The following PPIL2 variants were observed in gnomAD, a reference collection of about 807,000 sequenced individuals.
PPIL2 encodes peptidylprolyl isomerase like 2.
Under a neutral mutation model 75.2 loss-of-function variants are expected in PPIL2, and 50 were observed. That is an observed-to-expected ratio of 0.66 (90% CI 0.53 to 0.84). The LOEUF (loss-of-function observed/expected upper bound fraction) is 0.84. Among genes scored for constraint, PPIL2 ranks in the 40% least tolerant of loss-of-function variants. The pLI, the probability that PPIL2 is intolerant of heterozygous loss-of-function variation, is 0.00. For missense variants in PPIL2, 590 were observed against 685.0 expected, an observed-to-expected ratio of 0.86 and a Z score of 1.55; for synonymous variants, 245 against 258.8, an observed-to-expected ratio of 0.95 and a Z score of 0.51.
intron 1 of PPIL2, among the ~76,000 whole-genome samples, chr22:21,667,705 A>C (rs1346613221): frequency 6.6e-6 from 1 of 150,652 alleles, no homozygotes; most frequent in Non-Finnish European, 1.5e-5. Context: ...TGCTTTCCCC[A>C]GTCTTGTGTA....
Position 21,696,283 on chromosome 22 carries a change from G to C in PPIL2, c.*793G>C, listed in dbSNP as rs2067926633. The C allele has an allele frequency of 9.6e-7, 1 of 1,037,352 alleles. No homozygotes were observed. Among genetic ancestry groups the C allele is most frequent in the Admixed American group, 5.0e-5 (1 of 19,842 alleles). The allele number at this position is 1,037,352 out of a possible 1,614,324, so 64.3% of individuals were successfully genotyped here. ...ACCACCTGGGCTTCATCTCAAGCCT[G>C]CCTGGCGTCTCTGTGCCCCTGTGAG... is the stretch of plus-strand genomic sequence containing the variant. On this transcript the variant is annotated 3_prime_UTR_variant, in exon 20 of 20. Coordinates refer to ENST00000398831, the MANE Select transcript of PPIL2 (RefSeq NM_014337.4).
intron 10 of PPIL2, 79 bp downstream of exon 10, chr22:21,684,992 A>G: frequency 6.5e-7 from 1 of 1,549,156 alleles, no homozygotes; most frequent in South Asian, 1.2e-5. Context: ...TGGTCCTGGG[A>G]AAGGGGCTCA....
At chr22:21,686,419 G>T in intron 10 of PPIL2, 64 bp from the exon 11 acceptor site, 10 of 1,504,082 alleles carry the variant, frequency 6.6e-6, no homozygotes, top group South Asian at 1.1e-5. Context: ...CTAGGCAAGC[G>T]ACACGTCCCC....
At chr22:21,694,849 G>A in intron 18 of PPIL2, 32 bp downstream of exon 18, 1 of 1,590,720 alleles carries the variant, frequency 6.3e-7, no homozygotes, top group Middle Eastern at 1.7e-4. Context: ...ACCTAGGAGG[G>A]TCTGGGCTAG....
intron 9 of PPIL2, 72 bp from the exon 10 acceptor site, chr22:21,684,681 C>T: frequency 6.4e-7 from 1 of 1,564,614 alleles, no homozygotes; most frequent in Non-Finnish European, 8.7e-7. Context: ...TATTCTAGAT[C>T]TGTGTCCCCA....
At chr22:21,698,505 G>C (rs2068023941), downstream of PPIL2, 1 of 152,354 alleles carries the variant, frequency 6.6e-6, no homozygotes, top group African/African-American at 2.4e-5. Flanking sequence ...TCGCACCCGT[G>C]GCAGGCTGGG....
chr22:21,687,848 G>A, intron 13 of PPIL2, 116 bp downstream of exon 13: 1 of 1,133,150 alleles, frequency 8.8e-7, no homozygotes, highest in Non-Finnish European at 1.3e-6. Context: ...GCCAGGATGA[G>A]TCCAGTTGGT....
At chr22:21,672,967 C>T (rs1329474023) in intron 5 of PPIL2, among the ~76,000 whole-genome samples, 2 of 152,224 alleles carry the variant, frequency 1.3e-5, no homozygotes, top group East Asian at 3.9e-4. Flanking sequence ...TCTGTCTCAG[C>T]TCTTCTGGCC....
At chr22:21,670,428 T>C in intron 2 of PPIL2, 138 bp from the exon 3 acceptor site, 1 of 1,470,068 alleles carries the variant, frequency 6.8e-7, no homozygotes, top group South Asian at 1.3e-5. Context: ...TGTTAAAAGG[T>C]TTTTAATCCA....
In PPIL2 at chr22:21,687,015, G is replaced by T; in HGVS notation, c.897+17G>T. 6.2e-7 allele frequency: 1 copy of T among 1,606,230 alleles called. No individual in the cohort carries two copies. ...TGCGACCTGGTGGGTGTGGAGGCCAGCCACTCCCCATGCCCCAAGGTCATC... is the reference window on the plus strand; with the variant it reads ...TGCGACCTGGTGGGTGTGGAGGCCATCCACTCCCCATGCCCCAAGGTCATC... On this transcript the variant is annotated intron_variant, in intron 12 of 19. Coordinates refer to ENST00000398831, the MANE Select transcript of PPIL2 (RefSeq NM_014337.4).
In PPIL2 at chr22:21,680,021, C is replaced by T. The variant is rs546779717; in HGVS notation, c.296-1278C>T. Among the ~76,000 whole-genome samples, 27 of 149,948 alleles carry T rather than the reference C, an allele frequency of 1.8e-4. No homozygotes were observed. In the South Asian group the frequency reaches 5.1e-3, roughly 28 times the overall value. ...AGGAGAATGGCGTGAACCCGGGAGGCGGAGCTTGCAGTGAGCCGAGGAGAT... is the reference window on the plus strand; with the variant it reads ...AGGAGAATGGCGTGAACCCGGGAGGTGGAGCTTGCAGTGAGCCGAGGAGAT... On this transcript the variant is annotated intron_variant, in intron 6 of 19. Coordinates refer to ENST00000398831, the MANE Select transcript of PPIL2 (RefSeq NM_014337.4).
chr22:21,692,500 T>G (rs2067716262), intron 15 of PPIL2, among the ~76,000 whole-genome samples: 1 of 152,004 alleles, frequency 6.6e-6, no homozygotes, highest in Non-Finnish European at 1.5e-5. Context: ...GGTGGTCTGT[T>G]GCGTTCTATG....
intron 8 of PPIL2, 140 bp downstream of exon 8, chr22:21,682,666 A>G: frequency 1.7e-6 from 1 of 597,850 alleles, no homozygotes; most frequent in Non-Finnish European, 2.8e-6. Context: ...GCCACTCTGC[A>G]GGCCTGGCTC....
intron 10 of PPIL2, among the ~76,000 whole-genome samples, chr22:21,685,162 C>T (rs910168785): frequency 5.9e-5 from 9 of 152,164 alleles, no homozygotes; most frequent in African/African-American, 2.2e-4. Flanking sequence ...GTTGAAGAAC[C>T]AAGGGGTGTG....
chr22:21,676,376 T>C (rs906442666), intron 6 of PPIL2, among the ~76,000 whole-genome samples: 8 of 150,754 alleles, frequency 5.3e-5, no homozygotes, highest in Non-Finnish European at 4.4e-5. Flanking sequence ...ACCTCTTTTT[T>C]TTTTTATTGA....
Position 21,686,344 on chromosome 22 carries a change from G to A in PPIL2, c.715-139G>A. On this transcript the variant is annotated intron_variant, in intron 10 of 19. Transcript: ENST00000398831. The stretch of plus-strand genomic sequence containing the variant: ...TGGCTTCTTCCTCCTGCTGGTTGGG[G>A]AGGCCCTCCTGGAGGAGAGGCACCA... 4.0e-6 allele frequency: 3 copies of A among 750,360 alleles called. No individual in the cohort carries two copies. In the South Asian group the frequency reaches 5.0e-5, roughly 12 times the overall value. 46.5% of individuals were successfully genotyped at this position (750,360 alleles called of 1,614,324 possible).
Position 21,697,227 on chromosome 22 carries a change from T to C in PPIL2, c.*1737T>C. On this transcript the variant is annotated 3_prime_UTR_variant, in exon 20 of 20. Coordinates refer to ENST00000398831, the MANE Select transcript of PPIL2 (RefSeq NM_014337.4). ...GTGACTGCCCAGGTGTCCACACACC[T>C]GTAGGCCTCTGAGCCAGCGTCCAGG... 1.8e-6 allele frequency: 1 copy of C among 542,578 alleles called. No individual in the cohort carries two copies. The allele number at this position is 542,578 out of a possible 1,614,324, so 33.6% of individuals were successfully genotyped here. A position where few individuals can be genotyped will look rare whatever the true frequency, so the allele number is the denominator to read the frequency against.
In PPIL2 at chr22:21,694,671, T is replaced by C. The variant is rs762619067; in HGVS notation, c.1269+6T>C. ...CCAAAACTGACCGCCCTAAGGTCTG[T>C]GCCCAGGGAGGTGGGGCGTGGCGGC... On this transcript the variant is annotated splice_donor_region_variant and intron_variant, in intron 17 of 19. Coordinates refer to ENST00000398831, the MANE Select transcript of PPIL2 (RefSeq NM_014337.4). 1 of 1,613,992 alleles carries C rather than the reference T, an allele frequency of 6.2e-7. No homozygotes were observed. Among genetic ancestry groups the C allele is most frequent in the Non-Finnish European group, 8.5e-7 (1 of 1,179,984 alleles).
intron 5 of PPIL2, 51 bp downstream of exon 5, chr22:21,672,432 A>C: frequency 6.6e-7 from 1 of 1,523,824 alleles, no homozygotes. Context: ...CTATCCTCTC[A>C]CTTCTCCTTT....
Sources: gnomAD v4.1 joint callset for allele counts (sites outside exome capture counted in the v4.1 genomes callset) on GRCh38, gnomAD v4.1.1 for gene constraint, MANE v1.5 for transcripts, NCBI Gene and HGNC (gene_info 2026-07-23, HGNC 2026-07-21) for gene names.